Variants in NAALADL2 observed in about 807,000 individuals in gnomAD.
NAALADL2 encodes N-acetylated alpha-linked acidic dipeptidase like 2.
A neutral mutation model predicts 87.2 loss-of-function variants in NAALADL2; 76 were observed. The observed-to-expected ratio is 0.87, with a 90% CI of 0.72 to 1.05. The LOEUF is 1.05. Among genes scored for constraint, NAALADL2 ranks in the 50% least tolerant of loss-of-function variants. The pLI, the probability that NAALADL2 is intolerant of heterozygous loss-of-function variation, is 0.00. For synonymous variants in NAALADL2, 354 were observed against 331.0 expected, an observed-to-expected ratio of 1.07 and a Z score of -0.75; for missense variants, 1,089 against 945.8, an observed-to-expected ratio of 1.15 and a Z score of -1.99.
At chr3:175,797,158 T>C (rs1460954096) in intron 13 of NAALADL2, among the ~76,000 whole-genome samples, 1 of 152,120 alleles carries the variant, frequency 6.6e-6, no homozygotes, top group Non-Finnish European at 1.5e-5. Context: ...TCATCAATAA[T>C]ATATTACACT....
intron 2 of NAALADL2, among the ~76,000 whole-genome samples, chr3:175,212,949 G>A (rs551835339): frequency 2.0e-5 from 3 of 152,240 alleles, no homozygotes; most frequent in Non-Finnish European, 2.9e-5. Context: ...GAGTGGGTGA[G>A]TGGAGCAAGT....
At chr3:175,064,124 C>A (rs1012493375) in intron 1 of NAALADL2, among the ~76,000 whole-genome samples, 1 of 151,404 alleles carries the variant, frequency 6.6e-6, no homozygotes, top group Non-Finnish European at 1.5e-5. Flanking sequence ...TATATAGACT[C>A]TCTTTGGAGG....
At chr3:175,730,417 T>TATATATATATATAG (rs1743549353) in intron 11 of NAALADL2, among the ~76,000 whole-genome samples, 1 of 96,610 alleles carries the variant, frequency 1.0e-5, no homozygotes, top group Non-Finnish European at 2.2e-5. Flanking sequence ...TATATATATA[T>TATATATATATATAG]ATATATATAT....
intron 1 of NAALADL2, among the ~76,000 whole-genome samples, chr3:174,969,427 T>C (rs962281523): frequency 6.6e-6 from 1 of 152,336 alleles, no homozygotes; most frequent in East Asian, 1.9e-4. Context: ...TTTTGTAATC[T>C]GCACCATTAA....
At chr3:174,947,718 A>G (rs77410694) in intron 1 of NAALADL2, among the ~76,000 whole-genome samples, 6,322 of 152,040 alleles carry the variant, frequency 0.042, 453 homozygotes, top group African/African-American at 0.14. Flanking sequence ...ATGAATAGTG[A>G]TATATATACA....
At chr3:174,497,119 C>T (rs145694945) in intron 1 of NAALADL2, among the ~76,000 whole-genome samples, 229 of 152,104 alleles carry the variant, frequency 1.5e-3, no homozygotes, top group African/African-American at 5.3e-3. Context: ...ATCTTGGAGG[C>T]GTAGATGATA....
intron 2 of NAALADL2, chr3:174,737,539 G>A (rs1733344382): frequency 6.6e-6 from 1 of 152,174 alleles, no homozygotes; most frequent in Admixed American, 6.5e-5. Flanking sequence ...AACTGATAAA[G>A]TTATGCTAAG....
At chr3:175,121,180 C>T (rs1011863317) in intron 2 of NAALADL2, among the ~76,000 whole-genome samples, 1 of 151,952 alleles carries the variant, frequency 6.6e-6, no homozygotes, top group Admixed American at 6.6e-5. Flanking sequence ...TTACTTTATG[C>T]TTGTTTGAGG....
intron 1 of NAALADL2, among the ~76,000 whole-genome samples, chr3:174,541,750 G>A (rs1722252640): frequency 6.6e-6 from 1 of 152,106 alleles, no homozygotes; most frequent in Non-Finnish European, 1.5e-5. Flanking sequence ...CAATGATTAG[G>A]TACATACTTA....
In NAALADL2 at chr3:175,240,134, A is replaced by C. The variant is rs181558808; in HGVS notation, c.819+5930A>C. 8.4e-3 allele frequency among the ~76,000 whole-genome samples: 1,274 copies of C among 152,322 alleles called. 11 individuals carry two copies. Among genetic ancestry groups the C allele is most frequent in the Non-Finnish European group, 0.012 (829 of 68,026 alleles). On this transcript the variant is annotated intron_variant, in intron 3 of 13. Coordinates refer to ENST00000454872, the MANE Select transcript of NAALADL2 (RefSeq NM_207015.3). Reference sequence around the variant, plus strand: ...AGGCCAGTATGAATAAAAATAAAATATACATAATGCCCTGATCCTATGTTT... The same window carrying C: ...AGGCCAGTATGAATAAAAATAAAATCTACATAATGCCCTGATCCTATGTTT...
rs73881323 is a variant in NAALADL2 at position 175,636,054 on chromosome 3, C to G, written c.1896+8668C>G. The stretch of plus-strand genomic sequence containing the variant: ...GTCCTGGAGAGAGTACTTACTGCCC[C>G]ATGGACAACTATAATAAAAGATTCC... On this transcript the variant is annotated intron_variant, in intron 11 of 13. Transcript: ENST00000454872. Among the ~76,000 whole-genome samples the G allele has an allele frequency of 8.1e-3, 1,226 of 152,216 alleles. 14 individuals are homozygous for G. Among genetic ancestry groups the G allele is most frequent in the African/African-American group, 0.029 (1,195 of 41,520 alleles).
intron 2 of NAALADL2, among the ~76,000 whole-genome samples, chr3:174,606,663 G>C (rs879190138): frequency 5.7e-4 from 87 of 152,242 alleles, no homozygotes; most frequent in Non-Finnish European, 1.0e-3. Flanking sequence ...AGAAATATGG[G>C]ACTATGTGAA....
chr3:174,563,540 A>G (rs1223246810), intron 2 of NAALADL2, among the ~76,000 whole-genome samples: 1 of 151,758 alleles, frequency 6.6e-6, no homozygotes, highest in East Asian at 1.9e-4. Context: ...CTAATATAGC[A>G]TTTAAACTTA....
At chr3:175,529,488 C>T (rs1733827372) in intron 9 of NAALADL2, among the ~76,000 whole-genome samples, 1 of 152,120 alleles carries the variant, frequency 6.6e-6, no homozygotes, top group South Asian at 2.1e-4. Context: ...ACCTGTGAAT[C>T]CTGGCTGTGG....
At chr3:175,308,500 C>T (rs1019764102) in intron 4 of NAALADL2, among the ~76,000 whole-genome samples, 2 of 152,094 alleles carry the variant, frequency 1.3e-5, no homozygotes, top group Non-Finnish European at 2.9e-5. Flanking sequence ...AAATAATACT[C>T]GGAACTAGAA....
intron 11 of NAALADL2, among the ~76,000 whole-genome samples, chr3:175,678,471 A>C (rs1480850762): frequency 6.6e-6 from 1 of 152,208 alleles, no homozygotes; most frequent in East Asian, 1.9e-4. Flanking sequence ...CTTGGAACCA[A>C]CCCAGATGTC....
At chr3:174,609,435 C>T (rs962381689) in intron 2 of NAALADL2, among the ~76,000 whole-genome samples, 7 of 152,196 alleles carry the variant, frequency 4.6e-5, no homozygotes, top group Middle Eastern at 3.4e-3. Flanking sequence ...AGCCCAAAAT[C>T]TCCTTAAGCT....
chr3:174,896,442 A>G (rs1490886718), intron 1 of NAALADL2, among the ~76,000 whole-genome samples: 2 of 152,178 alleles, frequency 1.3e-5, no homozygotes. Context: ...ATAAAGGTAA[A>G]TACCTAGGAA....
intron 3 of NAALADL2, among the ~76,000 whole-genome samples, chr3:174,808,388 G>A (rs1719747770): frequency 6.6e-6 from 1 of 151,988 alleles, no homozygotes; most frequent in Non-Finnish European, 1.5e-5. Flanking sequence ...TAGCAAACAG[G>A]AAAAGAAGGC....
Sources: gnomAD v4.1 joint callset for allele counts (sites outside exome capture counted in the v4.1 genomes callset) on GRCh38, gnomAD v4.1.1 for gene constraint, MANE v1.5 for transcripts, NCBI Gene and HGNC (gene_info 2026-07-23, HGNC 2026-07-21) for gene names.